STRIP2: variants seen among roughly 807,000 people sequenced by gnomAD.
The protein encoded by STRIP2 is striatin-interacting protein 2.
In STRIP2, 84 loss-of-function variants were observed where a neutral mutation model predicts 107.1. The observed-to-expected ratio is 0.78, with a 90% CI of 0.66 to 0.94. The LOEUF (loss-of-function observed/expected upper bound fraction) is 0.94. Ranked by LOEUF, STRIP2 falls within the 40% of genes least tolerant of loss-of-function variation. STRIP2 has a pLI of 0.00. For missense variants in STRIP2, 888 were observed against 1,034.2 expected (o/e 0.86, Z 1.94); for synonymous variants, 394 against 400.4 (o/e 0.98, Z 0.19).
chr7:129,472,275 G>T (rs1218926704), intron 18 of STRIP2, among the ~76,000 whole-genome samples: 1 of 152,096 alleles, frequency 6.6e-6, no homozygotes, highest in Non-Finnish European at 1.5e-5. Flanking sequence ...CCTATAATGT[G>T]TTTTTTATTT....
chr7:129,468,593 C>T (rs2151010481), intron 17 of STRIP2, among the ~76,000 whole-genome samples: 1 of 152,264 alleles, frequency 6.6e-6, no homozygotes, highest in East Asian at 1.9e-4. Flanking sequence ...TTTTTCCTAA[C>T]AATACGGAGA....
At chr7:129,443,975 C>T (rs1797969570) in intron 2 of STRIP2, 49 bp from the exon 3 acceptor site, 1 of 1,480,592 alleles carries the variant, frequency 6.8e-7, no homozygotes. Context: ...CTTTGGGCCT[C>T]TTCTTTAAGG....
At chr7:129,453,443 G>C (rs959817041) in intron 5 of STRIP2, 96 bp downstream of exon 5, 1 of 1,490,740 alleles carries the variant, frequency 6.7e-7, no homozygotes, top group Non-Finnish European at 9.1e-7. Flanking sequence ...GAGACCCCCT[G>C]TGAGGAACTG....
chr7:129,475,231 A>AT (rs34572219), intron 18 of STRIP2, among the ~76,000 whole-genome samples: 29,985 of 152,214 alleles, frequency 0.2, 3,872 homozygotes, highest in Non-Finnish European at 0.28. Flanking sequence ...TAGCATCTGA[A>AT]TGGTTGTTGA....
At chr7:129,476,617 G>T (rs1798958398) in intron 18 of STRIP2, among the ~76,000 whole-genome samples, 1 of 151,378 alleles carries the variant, frequency 6.6e-6, no homozygotes, top group Non-Finnish European at 1.5e-5. Flanking sequence ...TCTCACGATG[G>T]GCGGCCGGGC....
At chr7:129,479,636 C>T (rs1226144841) in intron 18 of STRIP2, among the ~76,000 whole-genome samples, 1 of 151,554 alleles carries the variant, frequency 6.6e-6, no homozygotes, top group African/African-American at 2.4e-5. Context: ...ATTACAGGCT[C>T]CTGCCACCAT....
At chr7:129,476,332 T>C in intron 18 of STRIP2, among the ~76,000 whole-genome samples, 1 of 140,744 alleles carries the variant, frequency 7.1e-6, no homozygotes. Context: ...GGCTCCTCAC[T>C]TCTCAGACGG....
In STRIP2 at chr7:129,451,616, AG is replaced by A; in HGVS notation, c.281del (p.Gly94AlafsTer16). Reference sequence around the variant, plus strand: ...GTATATGGCCTTTTATTCCCAGTGCAGGGCAAGGAATGGCTGGAGTTGGAAG... The same window carrying A: ...GTATATGGCCTTTTATTCCCAGTGCAGGCAAGGAATGGCTGGAGTTGGAAG... ...CFEEDFKTQV[Q>X]GKEWLELEED... On this transcript the variant is annotated frameshift_variant, in exon 4 of 21. Coordinates refer to ENST00000249344, the MANE Select transcript of STRIP2 (RefSeq NM_020704.3). LOFTEE classifies it high-confidence loss of function. 5.0e-6 allele frequency: 8 copies of A among 1,614,150 alleles called. No homozygotes were observed. Among genetic ancestry groups the A allele is most frequent in the Non-Finnish European group, 6.8e-6 (8 of 1,180,004 alleles).
Position 129,459,572 on chromosome 7 carries a change from C to T in STRIP2, c.1396C>T (p.Leu466=), listed in dbSNP as rs1433995681. ...PRPIHESVKT[L]KQHKYISIAD... ...GCCCATCCATGAGAGTGTGAAGACCCTAAAGCAGGTGACTGGGGTGGGCTC... is the reference window on the plus strand; with the variant it reads ...GCCCATCCATGAGAGTGTGAAGACCTTAAAGCAGGTGACTGGGGTGGGCTC... Residue 466 remains leucine (L), a synonymous_variant, in exon 12 of 21, where the codon CTA becomes TTA. Transcript: ENST00000249344. 6.2e-7 allele frequency: 1 copy of T among 1,613,842 alleles called. No individual in the cohort carries two copies.
intron 16 of STRIP2, among the ~76,000 whole-genome samples, chr7:129,466,720 G>C (rs1798678600): frequency 6.6e-6 from 1 of 152,136 alleles, no homozygotes; most frequent in Non-Finnish European, 1.5e-5. Flanking sequence ...AGACACCTTA[G>C]ACTTCTCAGT....
At chr7:129,436,670 C>G (rs1360671497) in intron 1 of STRIP2, among the ~76,000 whole-genome samples, 2 of 152,210 alleles carry the variant, frequency 1.3e-5, no homozygotes, top group African/African-American at 4.8e-5. Context: ...TTTCTTCTCT[C>G]CCTCTTTTTG....
chr7:129,452,194 A>C (rs1228722752), intron 4 of STRIP2, among the ~76,000 whole-genome samples: 1 of 152,156 alleles, frequency 6.6e-6, no homozygotes, highest in Admixed American at 6.5e-5. Flanking sequence ...GTTCAAGCCA[A>C]CATAACTGCG....
chr7:129,440,383 T>A (rs1201342793), intron 2 of STRIP2, among the ~76,000 whole-genome samples: 1 of 152,178 alleles, frequency 6.6e-6, no homozygotes, highest in Non-Finnish European at 1.5e-5. Context: ...CACTCTCAAA[T>A]CAGTTTTCTC....
chr7:129,458,768 C>T lies in STRIP2; in HGVS notation c.1331C>T (p.Thr444Ile). 6.2e-7 allele frequency: 1 copy of T among 1,614,140 alleles called. No homozygotes were observed. Among genetic ancestry groups the T allele is most frequent in the Non-Finnish European group, 8.5e-7 (1 of 1,180,006 alleles). The change falls in exon 11 of 21, where the codon ACC (threonine) becomes ATC (isoleucine). Residue 444 changes from threonine to isoleucine, a missense_variant. By Grantham distance (89) the Thr-to-Ile change is moderately conservative. Coordinates refer to ENST00000249344, the MANE Select transcript of STRIP2 (RefSeq NM_020704.3). The surrounding 1 kb of genome is among the most constrained non-coding windows in gnomAD (Gnocchi z 4.6). The stretch of plus-strand genomic sequence containing the variant: ...AGCAGGAACAAGTTCATCGGATTCA[C>T]CCTGGGGCAGTAAGTGACTGAATGG... ...EMSRNKFIGF[T>I]LGQDTDTLVG...
chr7:129,463,115 C>T, intron 14 of STRIP2, 75 bp downstream of exon 14: 1 of 1,222,386 alleles, frequency 8.2e-7, no homozygotes, highest in Non-Finnish European at 1.2e-6. Flanking sequence ...TTCAAGTGGA[C>T]CTGTCCAACA....
rs578045719 is a variant in STRIP2 at position 129,459,256 on chromosome 7, G to A, written c.1341-261G>A. On this transcript the variant is annotated intron_variant, in intron 11 of 20. Transcript: ENST00000249344. ...TTGGGCTATATACCCTTTTAAGTAG[G>A]AACCTACCACTCCTACACCAAGTGA... Among the ~76,000 whole-genome samples, 3 of 152,158 alleles carry A rather than the reference G, an allele frequency of 2.0e-5. No individual in the cohort carries two copies. The South Asian group carries it at 6.2e-4, about 32-fold the overall frequency.
Position 129,470,165 on chromosome 7 carries a change from G to A in STRIP2, c.1878-484G>A, listed in dbSNP as rs1028086837. Among the ~76,000 whole-genome samples, 7 of 152,250 alleles carry A rather than the reference G, an allele frequency of 4.6e-5. No homozygotes were observed. The South Asian group carries it at 1.0e-3, about 23-fold the overall frequency. ...CTGCCCCTGTCTCAAGCTTCCTTTA[G>A]GAGTGGCTTCTGTAATCATTCCCCA... On this transcript the variant is annotated intron_variant, in intron 17 of 20. Transcript: ENST00000249344.
intron 18 of STRIP2, among the ~76,000 whole-genome samples, chr7:129,474,594 C>T (rs1038751212): frequency 6.6e-6 from 1 of 151,958 alleles, no homozygotes; most frequent in African/African-American, 2.4e-5. Context: ...ACTGCAGCCT[C>T]CACCTCCCAG....
intron 11 of STRIP2, among the ~76,000 whole-genome samples, chr7:129,459,215 C>T (rs1397623848): frequency 6.6e-6 from 1 of 152,144 alleles, no homozygotes; most frequent in African/African-American, 2.4e-5. Flanking sequence ...AGTGGAGTTT[C>T]ATAGTCAAGG....
Sources: gnomAD v4.1 joint callset for allele counts (sites outside exome capture counted in the v4.1 genomes callset) on GRCh38, gnomAD v4.1.1 for gene constraint, Gnocchi (gnomAD v3.1) non-coding constraint, MANE v1.5 for transcripts, NCBI Gene and HGNC (gene_info 2026-07-23, HGNC 2026-07-21) for gene names.